Variants in LRRC8C observed in about 807,000 individuals in gnomAD.
The protein encoded by LRRC8C is volume-regulated anion channel subunit LRRC8C.
Under a neutral mutation model 55.3 loss-of-function variants are expected in LRRC8C, and 20 were observed. That is an observed-to-expected ratio of 0.36 (90% confidence interval 0.25 to 0.53). LRRC8C has a LOEUF of 0.53. Among genes scored for constraint, LRRC8C ranks in the 20% least tolerant of loss-of-function variants. The probability of loss-of-function intolerance (pLI) is 0.92; values close to 1 mark genes in which losing one functional copy is unlikely to be tolerated. For missense variants in LRRC8C, 659 were observed against 951.4 expected (o/e 0.69, Z 4.04); for synonymous variants, 376 against 360.7 (o/e 1.04, Z -0.48).
chr1:89,701,651 C>T (rs912123055), intron 2 of LRRC8C, among the ~76,000 whole-genome samples: 1 of 152,046 alleles, frequency 6.6e-6, no homozygotes, highest in Non-Finnish European at 1.5e-5. Flanking sequence ...ACCCAAGCAA[C>T]ACAATTTTTC....
At chr1:89,624,652 T>C in the LRRC8C span, among the ~76,000 whole-genome samples, 2 of 152,374 alleles carry the variant, frequency 1.3e-5, no homozygotes, top group Admixed American at 1.3e-4. Flanking sequence ...TCTTGACAGA[T>C]ATTCATTAAA....
chr1:89,656,036 C>T (rs1479660356), intron 1 of LRRC8C, among the ~76,000 whole-genome samples: 2 of 152,194 alleles, frequency 1.3e-5, no homozygotes, highest in African/African-American at 2.4e-5. Context: ...AGCTGTGTCT[C>T]GACTGTGATG....
chr1:89,663,569 C>CA (rs59206016), intron 1 of LRRC8C, among the ~76,000 whole-genome samples: 9,837 of 77,978 alleles, frequency 0.13, 1,210 homozygotes, highest in African/African-American at 0.34. Context: ...GACTCTGTCT[C>CA]AAAAAAAAAA....
At chr1:89,618,505 G>C in the LRRC8C span, among the ~76,000 whole-genome samples, 1 of 152,132 alleles carries the variant, frequency 6.6e-6, no homozygotes, top group Non-Finnish European at 1.5e-5. Flanking sequence ...TAAATCAGAT[G>C]ATTTCATGGA....
intron 1 of LRRC8C, among the ~76,000 whole-genome samples, chr1:89,665,389 A>G (rs2101223718): frequency 6.6e-6 from 1 of 152,298 alleles, no homozygotes; most frequent in East Asian, 1.9e-4. Flanking sequence ...TGAGATAATC[A>G]TGTGGTTTTT....
At chr1:89,651,757 G>A (rs1231251361) in intron 1 of LRRC8C, among the ~76,000 whole-genome samples, 2 of 151,956 alleles carry the variant, frequency 1.3e-5, no homozygotes, top group African/African-American at 4.8e-5. Context: ...TTGTTAGTAG[G>A]CTAATTCAGA....
intron 1 of LRRC8C, among the ~76,000 whole-genome samples, chr1:89,647,779 G>A (rs368456480): frequency 2.9e-4 from 44 of 152,120 alleles, no homozygotes; most frequent in African/African-American, 8.5e-4. Context: ...CCAAACAATG[G>A]TGTGTGACAA....
Position 89,677,688 on chromosome 1 carries a change from C to T in LRRC8C, c.-4-8782C>T, listed in dbSNP as rs1657588172. Among the ~76,000 whole-genome samples the T allele has an allele frequency of 1.3e-5, 2 of 152,188 alleles. 1 individual carries two copies. The highest frequency in any genetic ancestry group is 4.1e-4 in the South Asian group (2 of 4,828). On this transcript the variant is annotated intron_variant, in intron 1 of 2. Coordinates refer to ENST00000370454, the MANE Select transcript of LRRC8C (RefSeq NM_032270.5). ...TCACCCATAAAGTAAGGGGTCTGGA[C>T]TGGATGATCTCTTTGACCTTTTTCA...
intron 2 of LRRC8C, among the ~76,000 whole-genome samples, chr1:89,696,544 CT>C (rs1230187162): frequency 6.6e-6 from 1 of 152,116 alleles, no homozygotes; most frequent in Admixed American, 6.5e-5. Context: ...ATTATTGATT[CT>C]TCCTAAAGGT....
intron 2 of LRRC8C, among the ~76,000 whole-genome samples, chr1:89,709,888 A>G (rs1385857678): frequency 6.6e-6 from 1 of 151,550 alleles, no homozygotes; most frequent in South Asian, 2.1e-4. Flanking sequence ...AGTAGTTGGG[A>G]CTACAGGCGC....
chr1:89,694,546 GT>G (rs1658112265), intron 2 of LRRC8C, among the ~76,000 whole-genome samples: 1 of 148,386 alleles, frequency 6.7e-6, no homozygotes, highest in African/African-American at 2.5e-5. Flanking sequence ...AGCTTCCTGA[GT>G]AGCTGGGATT....
chr1:89,713,797 G>T lies in LRRC8C; in HGVS notation c.1227G>T (p.Trp409Cys). The change falls in exon 3 of 3, where the codon TGG becomes TGT. Residue 409 changes from tryptophan (W) to cysteine (C), a missense_variant. By Grantham distance (215) the Trp-to-Cys change is radical (BLOSUM62 -2). This residue lies in a region of LRRC8C where 344 missense variants were observed against 464.6 expected (regional missense o/e 0.74). Transcript: ENST00000370454. The surrounding 1 kb of genome is among the most constrained non-coding windows in gnomAD (Gnocchi z 5.2). ...AGCAGCTGAACTTAAATAACGAATGGACTCCTGATAAACTGAGGCAGAAGC... is the reference window on the plus strand; with the variant it reads ...AGCAGCTGAACTTAAATAACGAATGTACTCCTGATAAACTGAGGCAGAAGC... ...KLKQLNLNNE[W>C]TPDKLRQKLQ... 1 of 1,614,150 alleles carries T rather than the reference G, an allele frequency of 6.2e-7. No homozygotes were observed. The highest frequency in any genetic ancestry group is 8.5e-7 in the Non-Finnish European group (1 of 1,180,012).
chr1:89,708,939 G>A (rs1658564787), intron 2 of LRRC8C, among the ~76,000 whole-genome samples: 1 of 152,202 alleles, frequency 6.6e-6, no homozygotes, highest in Admixed American at 6.5e-5. Flanking sequence ...TTAGTAACTA[G>A]ATTCCAGTAT....
chr1:89,659,581 G>A (rs941166621), intron 1 of LRRC8C, among the ~76,000 whole-genome samples: 2 of 152,036 alleles, frequency 1.3e-5, no homozygotes, highest in South Asian at 2.1e-4. Flanking sequence ...TGATGGAGGT[G>A]GGGTTTTCCT....
At chr1:89,667,836 A>G (rs913185032) in intron 1 of LRRC8C, among the ~76,000 whole-genome samples, 8 of 152,330 alleles carry the variant, frequency 5.3e-5, no homozygotes, top group African/African-American at 1.9e-4. Context: ...AGAATGTTTT[A>G]CATAAAGTTT....
chr1:89,706,997 C>T, intron 2 of LRRC8C, among the ~76,000 whole-genome samples: 1 of 152,098 alleles, frequency 6.6e-6, no homozygotes, highest in East Asian at 1.9e-4. Context: ...ATAAGTACTG[C>T]ATAGATATTA....
chr1:89,707,932 C>T (rs569169050), intron 2 of LRRC8C, among the ~76,000 whole-genome samples: 29 of 152,100 alleles, frequency 1.9e-4, no homozygotes, highest in South Asian at 8.3e-4. Context: ...TCTTCTGTGT[C>T]CCTCTCCTCC....
intron 2 of LRRC8C, among the ~76,000 whole-genome samples, chr1:89,708,837 C>G (rs1658562726): frequency 6.6e-6 from 1 of 152,132 alleles, no homozygotes; most frequent in Non-Finnish European, 1.5e-5. Flanking sequence ...GACAGCCAGC[C>G]CTCACATTCT....
chr1:89,683,545 T>C (rs1570721976), intron 1 of LRRC8C, among the ~76,000 whole-genome samples: 1 of 151,840 alleles, frequency 6.6e-6, no homozygotes, highest in South Asian at 2.1e-4. Flanking sequence ...TTTAGTAGAG[T>C]TGGGGTTTCA....
Sources: gnomAD v4.1 joint callset for allele counts (sites outside exome capture counted in the v4.1 genomes callset) on GRCh38, gnomAD v4.1.1 for gene constraint, gnomAD v4.1.1 regional missense constraint, Gnocchi (gnomAD v3.1) non-coding constraint, MANE v1.5 for transcripts, NCBI Gene and HGNC (gene_info 2026-07-23, HGNC 2026-07-21) for gene names.